LTBP4: variants seen among roughly 807,000 people sequenced by gnomAD.
The protein encoded by LTBP4 is latent-transforming growth factor beta-binding protein 4.
A neutral mutation model predicts 180.2 loss-of-function variants in LTBP4; 93 were observed. The observed-to-expected ratio is 0.52, with a 90% confidence interval of 0.44 to 0.61. The LOEUF (loss-of-function observed/expected upper bound fraction) is 0.61. LTBP4 is among the 20% of genes least tolerant of loss of function. LTBP4 has a pLI of 0.00. For synonymous variants in LTBP4, 947 were observed against 934.5 expected (o/e 1.01, Z -0.24); for missense variants, 2,116 against 2,256.5 (o/e 0.94, Z 1.26).
intron 25 of LTBP4, 43 bp downstream of exon 25, chr19:40,623,775 C>G (rs774006039): frequency 1.2e-6 from 2 of 1,609,592 alleles, no homozygotes; most frequent in Admixed American, 3.3e-5. Flanking sequence ...CTCTCTCCAA[C>G]CCCTAGCCTT....
At chr19:40,607,279 CA>C in intron 6 of LTBP4, 85 bp from the exon 7 acceptor site, 22 of 1,126,284 alleles carry the variant, frequency 2.0e-5, no homozygotes, top group South Asian at 4.1e-5. Context: ...CCCCCAACCC[CA>C]GAACCATTCC....
At chr19:40,600,177 G>T, upstream of LTBP4, 1 of 1,250,552 alleles carries the variant, frequency 8.0e-7, no homozygotes, top group South Asian at 3.9e-5. This position sits in a 1 kb window ranked among gnomAD's most constrained non-coding sequence, Gnocchi z 4.4. Context: ...CAAGGCCCCG[G>T]GTAAGCACAT....
chr19:40,611,237 G>A lies in LTBP4; in HGVS notation c.1896G>A (p.Pro632=), dbSNP rs374435431. 144 of 1,613,468 alleles carry A rather than the reference G, an allele frequency of 8.9e-5. No individual in the cohort carries two copies. The highest frequency in any genetic ancestry group is 1.2e-4 in the Non-Finnish European group (140 of 1,179,742). The change falls in exon 13 of 30, where the codon CCG becomes CCA. Residue 632 remains proline, a synonymous_variant. Transcript: ENST00000396819. This position sits in a 1 kb window ranked among gnomAD's most constrained non-coding sequence, Gnocchi z 4.4. ...CTGGCTCTTTCCGCTGTGTTTGCCC[G>A]GCTGGCTTCCGGGGCTCGGCGTGTG... The part of the protein sequence containing the change: ...NLPGSFRCVC[P]AGFRGSACEE...
At chr19:40,607,194 C>T (rs1286104210) in intron 6 of LTBP4, among the ~76,000 whole-genome samples, 171 bp from the exon 7 acceptor site, 1 of 152,208 alleles carries the variant, frequency 6.6e-6, no homozygotes, top group East Asian at 1.9e-4. Flanking sequence ...CCTTCTCAGA[C>T]CTCCAGAGCC....
chr19:40,619,521 T>G (rs758340748), intron 22 of LTBP4, 28 bp downstream of exon 22: 1 of 1,580,076 alleles, frequency 6.3e-7, no homozygotes, highest in Non-Finnish European at 8.6e-7. Context: ...ATTTAACTGA[T>G]GGCGGCTGGC....
In LTBP4 at chr19:40,606,213, C is replaced by A. The variant is rs1238603710; in HGVS notation, c.794-20C>A. 1 of 1,571,346 alleles carries A rather than the reference C, an allele frequency of 6.4e-7. No homozygotes were observed. Among genetic ancestry groups the A allele is most frequent in the South Asian group, 1.2e-5 (1 of 85,480 alleles). On this transcript the variant is annotated intron_variant, in intron 4 of 29. Transcript: ENST00000396819. Reference sequence around the variant, plus strand: ...GCTCTGCCCACCTGTCCCTGGCCCACCCCTCTCCTCTCGCCACAGGGAACT... The same window carrying A: ...GCTCTGCCCACCTGTCCCTGGCCCAACCCTCTCCTCTCGCCACAGGGAACT...
At chr19:40,614,581 T>A (rs1309520661) in intron 19 of LTBP4, 135 bp downstream of exon 19, 1 of 1,187,502 alleles carries the variant, frequency 8.4e-7, no homozygotes. Context: ...CGTATCTCTG[T>A]AGTGGAAATA....
At position 40,613,049 on chromosome 19, in the gene LTBP4, C is replaced by A. The variant is rs745531618; in HGVS notation, c.2300-16C>A. 19 of 1,610,280 alleles carry A rather than the reference C, an allele frequency of 1.2e-5. No homozygotes were observed. Among genetic ancestry groups the A allele is most frequent in the South Asian group, 6.6e-5 (6 of 90,276 alleles). The stretch of plus-strand genomic sequence containing the variant: ...CCCGAGACTGGACCCTTTCTGAACA[C>A]CCCCACCCCCCACAGATGTGGACGA... On this transcript the variant is annotated splice_polypyrimidine_tract_variant and intron_variant, in intron 15 of 29. Coordinates refer to ENST00000396819, the MANE Select transcript of LTBP4 (RefSeq NM_001042545.2). This position sits in a 1 kb window ranked among gnomAD's most constrained non-coding sequence, Gnocchi z 5.0.
At chr19:40,614,473 T>G in intron 19 of LTBP4, 27 bp downstream of exon 19, 2 of 1,591,616 alleles carry the variant, frequency 1.3e-6, no homozygotes, top group Non-Finnish European at 1.7e-6. Context: ...CCGCCTTCGC[T>G]AGCGCTTGCA....
Position 40,605,979 on chromosome 19 carries a change from C to A in LTBP4, c.793+148C>A. ...AGGCGACTTCCAGTCCTGAGCTTTT[C>A]ATACCGCTCTGGGACCACCCACCCC... is the stretch of plus-strand genomic sequence containing the variant. On this transcript the variant is annotated intron_variant, in intron 4 of 29. Coordinates refer to ENST00000396819, the MANE Select transcript of LTBP4 (RefSeq NM_001042545.2). This position sits in a 1 kb window ranked among gnomAD's most constrained non-coding sequence, Gnocchi z 5.5. 1 of 993,118 alleles carries A rather than the reference C, an allele frequency of 1.0e-6. No individual in the cohort carries two copies. The highest frequency in any genetic ancestry group is 1.5e-6 in the Non-Finnish European group (1 of 687,336). The allele number at this position is 993,118 out of a possible 1,614,324, so 61.5% of individuals were successfully genotyped here. A position where few individuals can be genotyped will look rare whatever the true frequency, so the allele number is the denominator to read the frequency against.
intron 21 of LTBP4, among the ~76,000 whole-genome samples, 187 bp downstream of exon 21, chr19:40,617,412 G>A (rs779368740): frequency 6.6e-6 from 1 of 152,178 alleles, no homozygotes; most frequent in African/African-American, 2.4e-5. Flanking sequence ...GGGAGGCCGA[G>A]GCGGGCAGAT....
In LTBP4 at chr19:40,611,424, T is replaced by C. The variant is rs201701865; in HGVS notation, c.2053+30T>C. ...GGGTGCTGAGCCCAGCCCTACTCCATCACTGTTTGCTGTGGAGACTGGAGA... is the reference window on the plus strand; with the variant it reads ...GGGTGCTGAGCCCAGCCCTACTCCACCACTGTTTGCTGTGGAGACTGGAGA... On this transcript the variant is annotated intron_variant, in intron 13 of 29. Transcript: ENST00000396819. The surrounding 1 kb of genome is among the most constrained non-coding windows in gnomAD (Gnocchi z 4.4). The C allele has an allele frequency of 4.5e-4, 708 of 1,585,672 alleles. No homozygotes were observed. Among genetic ancestry groups the C allele is most frequent in the Non-Finnish European group, 5.8e-4 (674 of 1,169,620 alleles).
rs547405457 is a variant in LTBP4 at position 40,613,539 on chromosome 19, C to G, written c.2557+10C>G. The G allele has an allele frequency of 1.3e-6, 2 of 1,561,778 alleles. No homozygotes were observed. Among genetic ancestry groups the G allele is most frequent in the Non-Finnish European group, 1.7e-6 (2 of 1,154,700 alleles). On this transcript the variant is annotated intron_variant, in intron 17 of 29. Transcript: ENST00000396819. The surrounding 1 kb of genome is among the most constrained non-coding windows in gnomAD (Gnocchi z 5.0). Reference sequence around the variant, plus strand: ...GGAGCCTCTTGCCTCGGTTCGTACCCGGGCTGATCCTGGCCCCGGAAAGGG... The same window carrying G: ...GGAGCCTCTTGCCTCGGTTCGTACCGGGGCTGATCCTGGCCCCGGAAAGGG...
At chr19:40,615,996 T>C (rs568853284) in intron 19 of LTBP4, among the ~76,000 whole-genome samples, 1 of 152,226 alleles carries the variant, frequency 6.6e-6, no homozygotes, top group East Asian at 1.9e-4. Context: ...CTAGGAGGGC[T>C]TGACCTAGAC....
At chr19:40,597,228 C>G (rs761251807), upstream of LTBP4, 4 of 1,480,928 alleles carry the variant, frequency 2.7e-6, no homozygotes, top group South Asian at 2.6e-5. Flanking sequence ...ACTCGGCGCC[C>G]GACACGATGC....
intron 28 of LTBP4, 123 bp from the exon 29 acceptor site, chr19:40,627,582 C>G: frequency 7.3e-7 from 1 of 1,375,052 alleles, no homozygotes. Context: ...GCACCCGCCA[C>G]AGCCCTGGAG....
intron 26 of LTBP4, among the ~76,000 whole-genome samples, chr19:40,625,284 A>ATATATAAATATATATATATT (rs2081620635): frequency 1.6e-4 from 1 of 6,232 alleles, no homozygotes; most frequent in African/African-American, 2.1e-3. Flanking sequence ...ATATATATAT[A>ATATATAAATATATATATATT]TATATATATA....
intron 19 of LTBP4, among the ~76,000 whole-genome samples, chr19:40,614,884 T>TA (rs766430169): frequency 6.6e-6 from 1 of 152,148 alleles, no homozygotes; most frequent in Admixed American, 6.5e-5. Context: ...CCGGTGGCCC[T>TA]AGGCCCCATT....
chr19:40,624,780 G>A lies in LTBP4; in HGVS notation c.3832+698G>A, dbSNP rs373260681. On this transcript the variant is annotated intron_variant, in intron 26 of 29. Coordinates refer to ENST00000396819, the MANE Select transcript of LTBP4 (RefSeq NM_001042545.2). ...TTATTTTTTACTAAGTACCACATGA[G>A]TGCTGCCTGTTATTATTTATCTGCA... is the stretch of plus-strand genomic sequence containing the variant. Among the ~76,000 whole-genome samples, 80 of 151,760 alleles carry A rather than the reference G, an allele frequency of 5.3e-4. No homozygotes were observed. The South Asian group carries it at 0.013, about 24-fold the overall frequency.
Sources: gnomAD v4.1 joint callset for allele counts (sites outside exome capture counted in the v4.1 genomes callset) on GRCh38, gnomAD v4.1.1 for gene constraint, Gnocchi (gnomAD v3.1) non-coding constraint, MANE v1.5 for transcripts, NCBI Gene and HGNC (gene_info 2026-07-23, HGNC 2026-07-21) for gene names.